The following ADCY8 variants were observed in gnomAD, a reference collection of about 807,000 sequenced individuals.
ADCY8 encodes adenylate cyclase 8, also known as adenylate cyclase type 8.
Under a neutral mutation model 119.7 loss-of-function variants are expected in ADCY8, and 51 were observed. The ratio of observed to expected loss-of-function variants is 0.43; its 90% CI spans 0.34 to 0.54. The LOEUF (loss-of-function observed/expected upper bound fraction) is 0.54. Among genes scored for constraint, ADCY8 ranks in the 20% least tolerant of loss-of-function variants. The probability of loss-of-function intolerance (pLI) is 0.03; values close to 1 mark genes in which losing one functional copy is unlikely to be tolerated. For missense variants in ADCY8, 1,383 were observed against 1,598.8 expected, an observed-to-expected ratio of 0.87 and a Z score of 2.30; for synonymous variants, 665 against 651.0, an observed-to-expected ratio of 1.02 and a Z score of -0.33.
chr8:130,834,617 G>T lies in ADCY8; in HGVS notation c.2675+1660C>A, dbSNP rs1586462614. On this transcript the variant is annotated intron_variant, in intron 12 of 17. Transcript: ENST00000286355. ...AGGGAAAACTGGTAACAACCTAAATGTCTCTATTAATAGGTCAAAGGATAA... is the reference window on the plus strand; with the variant it reads ...AGGGAAAACTGGTAACAACCTAAATTTCTCTATTAATAGGTCAAAGGATAA... Among the ~76,000 whole-genome samples the T allele has an allele frequency of 3.3e-5, 5 of 152,256 alleles. No homozygotes were observed. In the South Asian group the frequency reaches 1.0e-3, roughly 32 times the overall value.
intron 12 of ADCY8, among the ~76,000 whole-genome samples, chr8:130,828,333 C>A: frequency 6.6e-6 from 1 of 151,466 alleles, no homozygotes; most frequent in South Asian, 2.1e-4. Flanking sequence ...AACAGAGGGT[C>A]CCCCCCACCC....
chr8:131,013,076 C>T (rs144660260), intron 1 of ADCY8, among the ~76,000 whole-genome samples: 375 of 152,290 alleles, frequency 2.5e-3, no homozygotes, highest in African/African-American at 8.7e-3. Context: ...TTGATAATGA[C>T]TACCCATATA....
At chr8:130,994,404 T>C (rs1388911852) in intron 1 of ADCY8, among the ~76,000 whole-genome samples, 2 of 152,238 alleles carry the variant, frequency 1.3e-5, no homozygotes, top group South Asian at 4.1e-4. Context: ...TTGACGTTTG[T>C]CCTTACTTCA....
intron 1 of ADCY8, among the ~76,000 whole-genome samples, chr8:130,994,195 A>G (rs1272576708): frequency 6.6e-6 from 1 of 152,272 alleles, no homozygotes; most frequent in Non-Finnish European, 1.5e-5. Context: ...CAGTTAGGAC[A>G]TGGACACAAT....
chr8:130,981,942 C>A (rs889303277), intron 2 of ADCY8, among the ~76,000 whole-genome samples: 1 of 152,158 alleles, frequency 6.6e-6, no homozygotes, highest in Non-Finnish European at 1.5e-5. Context: ...AGCTTGAGAT[C>A]TAGGGATTAT....
chr8:130,965,717 T>C (rs994374960), intron 2 of ADCY8, among the ~76,000 whole-genome samples: 5 of 152,190 alleles, frequency 3.3e-5, no homozygotes, highest in African/African-American at 1.2e-4. Flanking sequence ...TTTACAGAAG[T>C]TTTTTTAAAA....
At chr8:130,986,194 C>T (rs1011416178) in intron 2 of ADCY8, among the ~76,000 whole-genome samples, 1 of 152,102 alleles carries the variant, frequency 6.6e-6, no homozygotes, top group Admixed American at 6.5e-5. Flanking sequence ...TTAGCCTGTC[C>T]CAGTCTCTCC....
At chr8:130,790,776 G>A (rs949576594) in intron 15 of ADCY8, among the ~76,000 whole-genome samples, 11 of 152,098 alleles carry the variant, frequency 7.2e-5, no homozygotes, top group Admixed American at 1.3e-4. Flanking sequence ...TTCCTCCGTC[G>A]ATCCATTATA....
At chr8:131,031,160 T>C (rs1292933709) in intron 1 of ADCY8, among the ~76,000 whole-genome samples, 1 of 152,208 alleles carries the variant, frequency 6.6e-6, no homozygotes, top group East Asian at 1.9e-4. Context: ...GATCACTATA[T>C]AGGAATCTCC....
intron 5 of ADCY8, among the ~76,000 whole-genome samples, chr8:130,919,484 G>A (rs1017935978): frequency 1.3e-5 from 2 of 152,172 alleles, no homozygotes; most frequent in African/African-American, 4.8e-5. Context: ...AGAAGAGTGG[G>A]TGCAGAGCTT....
At chr8:130,877,114 C>T (rs1818596142) in intron 8 of ADCY8, among the ~76,000 whole-genome samples, 1 of 152,174 alleles carries the variant, frequency 6.6e-6, no homozygotes, top group Non-Finnish European at 1.5e-5. Flanking sequence ...CATGATAGGG[C>T]CTGATATGGT....
chr8:131,039,816 T>C lies in ADCY8; in HGVS notation c.518A>G (p.Tyr173Cys). ...CGATTTGCGCCTTTGGCCCAAGAAA[T>C]AGCGCTGGTAGAGGCGTTCCAAATC... ...SRDLERLYQR[Y>C]FLGQRRKSEV... Residue 173 changes from tyrosine to cysteine, a missense_variant, in exon 1 of 18, where the codon TAT becomes TGT. Tyr to Cys is a radical substitution (Grantham distance 194). Transcript: ENST00000286355. 6.2e-7 allele frequency: 1 copy of C among 1,614,062 alleles called. No homozygotes were observed. Among genetic ancestry groups the C allele is most frequent in the African/African-American group, 1.3e-5 (1 of 75,010 alleles).
chr8:130,995,551 T>G (rs1276179823), intron 1 of ADCY8, among the ~76,000 whole-genome samples: 1 of 152,172 alleles, frequency 6.6e-6, no homozygotes, highest in Non-Finnish European at 1.5e-5. Flanking sequence ...TTTTCCTCAC[T>G]TACTCATTTT....
intron 2 of ADCY8, among the ~76,000 whole-genome samples, chr8:130,971,040 T>C (rs2130704603): frequency 6.6e-6 from 1 of 152,326 alleles, no homozygotes; most frequent in Admixed American, 6.5e-5. Context: ...GGTACTGATG[T>C]TATTAATATG....
intron 2 of ADCY8, among the ~76,000 whole-genome samples, chr8:130,966,420 G>T (rs1366206599): frequency 6.6e-6 from 1 of 152,174 alleles, no homozygotes; most frequent in Non-Finnish European, 1.5e-5. Flanking sequence ...ACTGTTAAGA[G>T]TGGGGTGGGT....
At chr8:130,899,913 A>G (rs1438855423) in intron 7 of ADCY8, among the ~76,000 whole-genome samples, 2 of 152,198 alleles carry the variant, frequency 1.3e-5, no homozygotes, top group Admixed American at 6.5e-5. Flanking sequence ...ATTCTCCCCC[A>G]TATGTGAAAT....
At chr8:130,944,979 C>T (rs758110787) in intron 3 of ADCY8, among the ~76,000 whole-genome samples, 8 of 152,152 alleles carry the variant, frequency 5.3e-5, no homozygotes, top group Non-Finnish European at 8.8e-5. Flanking sequence ...TGACCAGCCA[C>T]AGAGGGATCA....
At chr8:130,999,588 C>T (rs1822881952) in intron 1 of ADCY8, among the ~76,000 whole-genome samples, 1 of 152,170 alleles carries the variant, frequency 6.6e-6, no homozygotes, top group Non-Finnish European at 1.5e-5. Context: ...TTTCTGGTGC[C>T]ACAGGAAGTT....
chr8:130,963,637 C>A lies in ADCY8; in HGVS notation c.1111-11639G>T, dbSNP rs999595550. Among the ~76,000 whole-genome samples, 51 of 152,078 alleles carry A rather than the reference C, an allele frequency of 3.4e-4. 1 individual carries two copies. The highest frequency in any genetic ancestry group is 4.6e-4 in the Admixed American group (7 of 15,270). On this transcript the variant is annotated intron_variant, in intron 2 of 17. Coordinates refer to ENST00000286355, the MANE Select transcript of ADCY8 (RefSeq NM_001115.3). Reference sequence around the variant, plus strand: ...ACAGGAGAGGGGGAGAGATGATAGTCATGGTATCAGAGAGGTCCAGCAGTA... The same window carrying A: ...ACAGGAGAGGGGGAGAGATGATAGTAATGGTATCAGAGAGGTCCAGCAGTA...
Sources: gnomAD v4.1 joint callset for allele counts (sites outside exome capture counted in the v4.1 genomes callset) on GRCh38, gnomAD v4.1.1 for gene constraint, MANE v1.5 for transcripts, NCBI Gene and HGNC (gene_info 2026-07-23, HGNC 2026-07-21) for gene names.